The following PUDP variants were observed in gnomAD, a reference collection of about 807,000 sequenced individuals.
PUDP encodes the protein pseudouridine 5'-phosphatase, also known as pseudouridine-5'-phosphatase.
In PUDP, 8 loss-of-function variants were observed where a neutral mutation model predicts 9.4. That is an observed-to-expected ratio of 0.85 (90% confidence interval 0.50 to 1.53). PUDP has a LOEUF of 1.53. PUDP is among the 40% of genes most tolerant of loss of function. The pLI is 0.00. For missense variants in PUDP, 188 were observed against 189.7 expected (o/e 0.99, Z 0.05); for synonymous variants, 99 against 80.7 (o/e 1.23, Z -1.22).
chrX:7,000,591 AT>A (rs1929312056), intron 1 of PUDP, among the ~76,000 whole-genome samples: 1 of 109,907 alleles, frequency 9.1e-6, no homozygotes, highest in African/African-American at 3.3e-5. Flanking sequence ...CATTTATAAA[AT>A]ATAAATAAAA....
intron 3 of PUDP, among the ~76,000 whole-genome samples, chrX:6,954,679 A>G (rs979885844): frequency 8.9e-6 from 1 of 112,339 alleles, no homozygotes; most frequent in Admixed American, 9.4e-5. Flanking sequence ...CATTACAGCT[A>G]AAGGAGACAG....
chrX:6,728,041 T>G (rs962500868), intron 3 of PUDP, among the ~76,000 whole-genome samples: 15 of 111,574 alleles, frequency 1.3e-4, no homozygotes, highest in African/African-American at 4.6e-4. Context: ...AAAAGAGGTT[T>G]AATGGACTCA....
chrX:6,987,585 T>G (rs964626689), intron 1 of PUDP, among the ~76,000 whole-genome samples: 3 of 112,187 alleles, frequency 2.7e-5, no homozygotes, highest in Non-Finnish European at 5.6e-5. Context: ...CAGAAAATGT[T>G]CTAAATGGGG....
intron 1 of PUDP, among the ~76,000 whole-genome samples, chrX:7,038,180 T>C (rs1929878286): frequency 8.9e-6 from 1 of 112,885 alleles, no homozygotes; most frequent in South Asian, 3.7e-4. Flanking sequence ...CCATTTTATC[T>C]GTGCTATAGA....
chrX:7,105,020 C>T (rs1440129631), intron 2 of PUDP, among the ~76,000 whole-genome samples: 1 of 111,018 alleles, frequency 9.0e-6, no homozygotes, highest in African/African-American at 3.3e-5. Context: ...TATTCTTGAA[C>T]AAGGAGCGTC....
intron 3 of PUDP, among the ~76,000 whole-genome samples, chrX:6,785,452 A>G (rs905038310): frequency 2.7e-5 from 3 of 111,801 alleles, no homozygotes; most frequent in Admixed American, 9.5e-5. Flanking sequence ...TTCAAATTAT[A>G]TTTCTTTTTT....
intron 3 of PUDP, among the ~76,000 whole-genome samples, chrX:7,051,392 G>C (rs550486879): frequency 9.0e-6 from 1 of 111,079 alleles, no homozygotes; most frequent in Non-Finnish European, 1.9e-5. Context: ...GGGGACTAGC[G>C]GGGTGAGGAA....
At chrX:7,026,022 TTGGTCTCCCCCATAAGCCTTC>T (rs1247041379) in intron 1 of PUDP, among the ~76,000 whole-genome samples, 1 of 112,674 alleles carries the variant, frequency 8.9e-6, no homozygotes, top group Admixed American at 9.4e-5. Flanking sequence ...AATTAGTGTG[TTGGTCTCCCCCATAAGCCTTC>T]TGGCTTTTAG....
intron 3 of PUDP, among the ~76,000 whole-genome samples, chrX:6,854,614 A>T (rs1359099768): frequency 8.9e-6 from 1 of 112,247 alleles, no homozygotes; most frequent in Non-Finnish European, 1.9e-5. Context: ...ATGGCCAATT[A>T]ACATATATTT....
At chrX:6,751,471 G>C (rs529128191) in intron 3 of PUDP, among the ~76,000 whole-genome samples, 1 of 111,561 alleles carries the variant, frequency 9.0e-6, no homozygotes, top group South Asian at 3.8e-4. Context: ...TATGTTCTAT[G>C]AATTTATTTA....
At chrX:7,134,381 G>A (rs952574443) in intron 1 of PUDP, among the ~76,000 whole-genome samples, 6 of 112,069 alleles carry the variant, frequency 5.4e-5, no homozygotes, top group South Asian at 7.5e-4. Context: ...GTGATGAAGC[G>A]CCCAGGAGTA....
chrX:6,892,615 G>A (rs1403226681), intron 3 of PUDP, among the ~76,000 whole-genome samples: 1 of 111,421 alleles, frequency 9.0e-6, no homozygotes, highest in Non-Finnish European at 1.9e-5. Flanking sequence ...AATTGTGGGA[G>A]TTACAACTCA....
intron 3 of PUDP, among the ~76,000 whole-genome samples, chrX:6,899,096 C>T (rs7887854): frequency 0.025 from 2,838 of 112,198 alleles, 67 homozygotes; most frequent in African/African-American, 0.085. Context: ...ATCTGTCAAT[C>T]GCTCAGTGTG....
At position 7,049,332 on chromosome X, in the gene PUDP, A is replaced by G. The variant is rs1215900746; in HGVS notation, c.*964T>C. 1 of 112,543 alleles carries G rather than the reference A, an allele frequency of 8.9e-6. No individual in the cohort carries two copies. Among genetic ancestry groups the G allele is most frequent in the Non-Finnish European group, 1.9e-5 (1 of 53,317 alleles). The allele number at this position is 112,543 out of a possible 1,213,427, so 9.3% of individuals were successfully genotyped here. On this transcript the variant is annotated 3_prime_UTR_variant, in exon 4 of 4. Transcript: ENST00000381077. ...AAAAGCGATTAATCACAGAAGTTCAATGTCTGATAAATTATTCCAAAAGTG... is the reference window on the plus strand; with the variant it reads ...AAAAGCGATTAATCACAGAAGTTCAGTGTCTGATAAATTATTCCAAAAGTG...
intron 1 of PUDP, among the ~76,000 whole-genome samples, chrX:7,131,429 C>T (rs1186660137): frequency 1.8e-5 from 2 of 110,224 alleles, no homozygotes; most frequent in Non-Finnish European, 3.8e-5. Flanking sequence ...TGTATTATCC[C>T]GGTGGGCCCT....
intron 3 of PUDP, among the ~76,000 whole-genome samples, chrX:6,871,885 C>CT (rs1348378921): frequency 1.8e-4 from 20 of 111,583 alleles, no homozygotes; most frequent in African/African-American, 6.5e-4. Flanking sequence ...GAACTGATAG[C>CT]TTTTTAAAAA....
chrX:7,130,099 T>C (rs941892968), intron 1 of PUDP, among the ~76,000 whole-genome samples: 2 of 111,522 alleles, frequency 1.8e-5, no homozygotes, highest in African/African-American at 3.3e-5. Context: ...ATAATCTCCC[T>C]ACCCCAGGAA....
intron 3 of PUDP, among the ~76,000 whole-genome samples, chrX:6,758,491 T>C (rs907303465): frequency 4.5e-5 from 5 of 111,439 alleles, no homozygotes; most frequent in African/African-American, 6.5e-5. Flanking sequence ...AAAGTAAGCA[T>C]TGAAAAGAAG....
At chrX:6,753,730 T>C (rs1925135277) in intron 3 of PUDP, among the ~76,000 whole-genome samples, 1 of 112,271 alleles carries the variant, frequency 8.9e-6, no homozygotes, top group Admixed American at 9.5e-5. Context: ...ATTAGTGATG[T>C]TGAGCATTTT....
Sources: gnomAD v4.1 joint callset for allele counts (sites outside exome capture counted in the v4.1 genomes callset) on GRCh38, gnomAD v4.1.1 for gene constraint, MANE v1.5 for transcripts, NCBI Gene and HGNC (gene_info 2026-07-23, HGNC 2026-07-21) for gene names.